ANK2: variants seen among roughly 807,000 people sequenced by gnomAD.
The protein encoded by ANK2 is ankyrin 2.
ANK2 carries 83 observed loss-of-function variants against 360.5 expected under a neutral mutation model. That is an observed-to-expected ratio of 0.23 (90% CI 0.19 to 0.28). The LOEUF (loss-of-function observed/expected upper bound fraction) is 0.28, where lower values mean the gene tolerates loss of function less well. ANK2 is among the 10% of genes least tolerant of loss of function. The pLI, the probability that ANK2 is intolerant of heterozygous loss-of-function variation, is 1.00. For missense variants in ANK2, 4,201 were observed against 4,795.7 expected, an observed-to-expected ratio of 0.88 and a Z score of 3.66; for synonymous variants, 1,740 against 1,759.5, an observed-to-expected ratio of 0.99 and a Z score of 0.28.
the ANK2 span, among the ~76,000 whole-genome samples, chr4:112,740,390 A>G: frequency 6.6e-6 from 1 of 151,982 alleles, no homozygotes; most frequent in Non-Finnish European, 1.5e-5. Flanking sequence ...GGTGCATGCC[A>G]CCATGCCTGG....
At chr4:112,817,277 T>C (rs1159000762), upstream of ANK2, among the ~76,000 whole-genome samples, 1 of 152,178 alleles carries the variant, frequency 6.6e-6, no homozygotes, top group Admixed American at 6.5e-5. Flanking sequence ...AGGCTCTTAC[T>C]TCCTTGTCTT....
At chr4:113,146,522 T>C (rs1214676657) in intron 1 of ANK2, among the ~76,000 whole-genome samples, 3 of 152,216 alleles carry the variant, frequency 2.0e-5, no homozygotes, top group Non-Finnish European at 4.4e-5. Flanking sequence ...CTTGTTATGA[T>C]AGTAATAGTT....
chr4:113,201,403 C>T lies in ANK2; in HGVS notation c.384+2294C>T, dbSNP rs75182715. Among the ~76,000 whole-genome samples, 3 of 152,174 alleles carry T rather than the reference C, an allele frequency of 2.0e-5. No homozygotes were observed. In the East Asian group the frequency reaches 5.8e-4, roughly 29 times the overall value. On this transcript the variant is annotated intron_variant, in intron 4 of 45. Transcript: ENST00000357077. ...TCAGATGATGCTAATGCTACTAGTC[C>T]AGGGACCACATTTCTGAACTATGGC...
At chr4:113,244,731 T>C (rs907765108) in intron 9 of ANK2, among the ~76,000 whole-genome samples, 31 of 152,178 alleles carry the variant, frequency 2.0e-4, no homozygotes, top group African/African-American at 7.2e-4. Context: ...ACCTGTCATC[T>C]ACAATAGGTA....
intron 2 of ANK2, among the ~76,000 whole-genome samples, chr4:112,973,169 A>C: frequency 6.6e-6 from 1 of 150,892 alleles, no homozygotes; most frequent in East Asian, 2.0e-4. Flanking sequence ...AAAACTATTG[A>C]AATAAATCAT....
chr4:113,311,423 A>T, intron 24 of ANK2, 24 bp downstream of exon 24: 1 of 1,613,580 alleles, frequency 6.2e-7, no homozygotes, highest in Non-Finnish European at 8.5e-7. Flanking sequence ...CTTATAATTG[A>T]TGTCAGCCAG....
chr4:113,011,204 G>C (rs1424549642), intron 2 of ANK2, among the ~76,000 whole-genome samples: 1 of 152,072 alleles, frequency 6.6e-6, no homozygotes, highest in Non-Finnish European at 1.5e-5. Context: ...CATCTATGCT[G>C]TTTCCATTTA....
intron 2 of ANK2, among the ~76,000 whole-genome samples, chr4:112,913,238 A>G (rs1308460076): frequency 1.3e-5 from 2 of 152,214 alleles, no homozygotes. Context: ...AATGGCCAGT[A>G]ATGGATACTT....
the ANK2 span, among the ~76,000 whole-genome samples, chr4:112,743,284 T>G: frequency 6.6e-6 from 1 of 152,156 alleles, no homozygotes; most frequent in Non-Finnish European, 1.5e-5. Flanking sequence ...TGTTCATTCT[T>G]TTAATTATTA....
At chr4:113,372,208 G>T (rs1261245970) in intron 43 of ANK2, among the ~76,000 whole-genome samples, 3 of 152,070 alleles carry the variant, frequency 2.0e-5, no homozygotes, top group African/African-American at 7.2e-5. Flanking sequence ...TTACAGTCAG[G>T]CTTTTTTTTT....
intron 41 of ANK2, among the ~76,000 whole-genome samples, chr4:113,365,760 C>T (rs1405875623): frequency 6.6e-6 from 1 of 151,896 alleles, no homozygotes; most frequent in Non-Finnish European, 1.5e-5. Flanking sequence ...TATTTATACC[C>T]AGCTGATGAC....
chr4:112,909,858 G>A (rs1440118445), intron 2 of ANK2, among the ~76,000 whole-genome samples: 2 of 152,194 alleles, frequency 1.3e-5, no homozygotes, highest in South Asian at 2.1e-4. Context: ...TCAAAGCAAA[G>A]ATTTTTTTCT....
chr4:112,978,287 A>T (rs2042067485), intron 2 of ANK2, among the ~76,000 whole-genome samples: 2 of 152,134 alleles, frequency 1.3e-5, no homozygotes, highest in Admixed American at 6.5e-5. Flanking sequence ...TCATCTAAAA[A>T]TTTCTCTTCC....
At position 113,237,627 on chromosome 4, in the gene ANK2, A is replaced by G; in HGVS notation, c.693+5A>G. Reference sequence around the variant, plus strand: ...ATGGTGAATAGGACAACTGAGGTACAGTATTGTGGTTATACCAAAATTTAC... The same window carrying G: ...ATGGTGAATAGGACAACTGAGGTACGGTATTGTGGTTATACCAAAATTTAC... On this transcript the variant is annotated splice_donor_5th_base_variant and intron_variant, in intron 7 of 45. Transcript: ENST00000357077. 1 of 1,607,554 alleles carries G rather than the reference A, an allele frequency of 6.2e-7. No homozygotes were observed. Among genetic ancestry groups the G allele is most frequent in the South Asian group, 1.1e-5 (1 of 90,914 alleles).
At chr4:112,761,566 G>A in the ANK2 span, among the ~76,000 whole-genome samples, 1 of 152,134 alleles carries the variant, frequency 6.6e-6, no homozygotes, top group Non-Finnish European at 1.5e-5. Context: ...GTTGCAGTGA[G>A]CCCAGATCAC....
chr4:113,323,367 A>C (rs2087578816), intron 26 of ANK2, among the ~76,000 whole-genome samples: 1 of 152,148 alleles, frequency 6.6e-6, no homozygotes, highest in African/African-American at 2.4e-5. Flanking sequence ...AGTTATTATC[A>C]TTATTTTTAA....
At chr4:113,250,901 T>C (rs1310113534) in intron 10 of ANK2, among the ~76,000 whole-genome samples, 1 of 152,230 alleles carries the variant, frequency 6.6e-6, no homozygotes, top group East Asian at 1.9e-4. Flanking sequence ...GTTTAAGATA[T>C]GTGTAGAATG....
rs115027122 is a variant in ANK2 at position 112,996,082 on chromosome 4, A to G, written c.21+91568A>G. Among the ~76,000 whole-genome samples the G allele has an allele frequency of 7.7e-3, 1,168 of 152,340 alleles. 9 individuals are homozygous for G. The highest frequency in any genetic ancestry group is 0.012 in the Admixed American group (186 of 15,294). On this transcript the variant is annotated intron_variant, in intron 2 of 30. Transcript: ENST00000503271. ...CAAATCGAAAACAACCCAAATGTCT[A>G]TCAACTGGTGAATAGATAAAAAAGA... is the stretch of plus-strand genomic sequence containing the variant.
chr4:113,105,546 G>A (rs1030773945), intron 1 of ANK2, among the ~76,000 whole-genome samples: 13 of 152,130 alleles, frequency 8.5e-5, no homozygotes, highest in Non-Finnish European at 1.8e-4. Context: ...AAGATTATAA[G>A]AAACTATTTC....
Sources: allele counts gnomAD v4.1 joint callset (sites outside exome capture counted in the v4.1 genomes callset), GRCh38; gene constraint gnomAD v4.1.1; transcripts MANE v1.5; gene names NCBI Gene and HGNC (gene_info 2026-07-23, HGNC 2026-07-21).